RYR3: variants seen among roughly 807,000 people sequenced by gnomAD.
RYR3 encodes the protein ryanodine receptor 3.
RYR3 carries 207 observed loss-of-function variants against 584.3 expected under a neutral mutation model. The observed-to-expected ratio is 0.35, with a 90% confidence interval of 0.32 to 0.40. RYR3 has a LOEUF of 0.40. RYR3 is among the 10% of genes least tolerant of loss of function. The pLI, the probability that RYR3 is intolerant of heterozygous loss-of-function variation, is 1.00. For synonymous variants in RYR3, 2,416 were observed against 2,248.5 expected (o/e 1.07, Z -2.11); for missense variants, 5,616 against 6,089.2 (o/e 0.92, Z 2.59).
intron 67 of RYR3, among the ~76,000 whole-genome samples, chr15:33,796,211 T>A (rs1419332336): frequency 6.6e-6 from 1 of 151,864 alleles, no homozygotes; most frequent in African/African-American, 2.4e-5. Context: ...CTCTGCTCAC[T>A]GCAACCTACA....
At chr15:33,760,361 C>T (rs1298955874) in intron 60 of RYR3, among the ~76,000 whole-genome samples, 1 of 152,058 alleles carries the variant, frequency 6.6e-6, no homozygotes, top group Non-Finnish European at 1.5e-5. Flanking sequence ...CAAGACCCAT[C>T]TCAAGTGCAA....
At chr15:33,506,018 A>G (rs1224853087) in intron 3 of RYR3, among the ~76,000 whole-genome samples, 1 of 152,188 alleles carries the variant, frequency 6.6e-6, no homozygotes, top group Non-Finnish European at 1.5e-5. Flanking sequence ...GTAAAAGTAT[A>G]TTTCAAAGGA....
At chr15:33,665,026 C>T (rs1014230468) in intron 36 of RYR3, among the ~76,000 whole-genome samples, 11 of 152,206 alleles carry the variant, frequency 7.2e-5, no homozygotes, top group African/African-American at 2.7e-4. Context: ...ATTTGCACCA[C>T]ACAAAATGCA....
At chr15:33,344,064 T>C (rs1191575890) in intron 1 of RYR3, among the ~76,000 whole-genome samples, 2 of 152,186 alleles carry the variant, frequency 1.3e-5, no homozygotes, top group African/African-American at 2.4e-5. Context: ...AAAACGTACA[T>C]TCACTTGCTG....
chr15:33,460,302 G>A (rs2142061564), intron 1 of RYR3, among the ~76,000 whole-genome samples: 2 of 152,370 alleles, frequency 1.3e-5, no homozygotes, highest in South Asian at 4.1e-4. Flanking sequence ...AATGCCCGCT[G>A]CTACACTATG....
chr15:33,694,339 G>A (rs1050673358), intron 38 of RYR3, among the ~76,000 whole-genome samples: 10 of 151,534 alleles, frequency 6.6e-5, no homozygotes, highest in Non-Finnish European at 1.2e-4. Context: ...CCGCCTCCCG[G>A]GTTCACGCCA....
intron 64 of RYR3, among the ~76,000 whole-genome samples, chr15:33,774,340 G>A (rs1435615232): frequency 6.6e-6 from 1 of 152,042 alleles, no homozygotes; most frequent in African/African-American, 2.4e-5. Flanking sequence ...TTTCTTTCTT[G>A]CCTTTTCAAA....
chr15:33,418,502 C>T (rs557184007), intron 1 of RYR3, among the ~76,000 whole-genome samples: 2 of 152,018 alleles, frequency 1.3e-5, no homozygotes, highest in African/African-American at 4.8e-5. Context: ...AAGAGCTGGA[C>T]AGAGTGGGTT....
At chr15:33,433,812 A>G (rs2045417921) in intron 1 of RYR3, among the ~76,000 whole-genome samples, 1 of 152,152 alleles carries the variant, frequency 6.6e-6, no homozygotes, top group South Asian at 2.1e-4. Context: ...TACCTCATCC[A>G]TATTTTTAAG....
chr15:33,819,698 AT>A, intron 76 of RYR3, 57 bp from the exon 77 acceptor site: 1 of 904,766 alleles, frequency 1.1e-6, no homozygotes, highest in Non-Finnish European at 1.5e-6. Context: ...AAATAAATAA[AT>A]AAATAAATAA....
At chr15:33,575,111 G>T (rs2058228692) in intron 12 of RYR3, among the ~76,000 whole-genome samples, 1 of 152,020 alleles carries the variant, frequency 6.6e-6, no homozygotes, top group African/African-American at 2.4e-5. Flanking sequence ...TAATACAGGG[G>T]CACCCAGATC....
chr15:33,591,066 T>G (rs548207481), intron 16 of RYR3, among the ~76,000 whole-genome samples: 33 of 152,312 alleles, frequency 2.2e-4, no homozygotes, highest in African/African-American at 6.3e-4. Flanking sequence ...ATTTTCTGAA[T>G]GCACTTTACC....
intron 27 of RYR3, among the ~76,000 whole-genome samples, chr15:33,640,282 C>T (rs767700681): frequency 5.9e-5 from 9 of 152,206 alleles, no homozygotes; most frequent in Admixed American, 2.6e-4. Context: ...TTTCAGAAAG[C>T]GGCTGTGGCA....
rs1354052789 is a variant in RYR3, at chr15:33,736,285, A to G, written c.7475A>G (p.Asp2492Gly). The G allele has an allele frequency of 6.2e-7, 1 of 1,613,172 alleles. No individual in the cohort carries two copies. Among genetic ancestry groups the G allele is most frequent in the Non-Finnish European group, 8.5e-7 (1 of 1,179,640 alleles). ...CAACTCCTGCGACGCCTCGTTTTTG[A>G]TGTGCCGCAACTCAATGAATACTGC... ...LQQLLRRLVF[D>G]VPQLNEYCKM... Residue 2492 changes from aspartate to glycine, a missense_variant, in exon 49 of 104, where the codon GAT becomes GGT. Asp to Gly is a moderately conservative substitution (Grantham distance 94). This residue lies in a region of RYR3 where 1,280 missense variants were observed against 1,426.2 expected (regional missense o/e 0.90). Transcript: ENST00000634891.
chr15:33,349,221 GA>G (rs764294315), intron 1 of RYR3, among the ~76,000 whole-genome samples: 26 of 148,864 alleles, frequency 1.7e-4, no homozygotes, highest in Admixed American at 4.1e-4. Flanking sequence ...GGGGAATTAT[GA>G]CTAAAGCTAC....
At position 33,662,435 on chromosome 15, in the gene RYR3, C is replaced by T. The variant is rs2063221120; in HGVS notation, c.4905C>T (p.Ser1635=). 1 of 1,613,856 alleles carries T rather than the reference C, an allele frequency of 6.2e-7. No individual in the cohort carries two copies. The highest frequency in any genetic ancestry group is 1.3e-5 in the African/African-American group (1 of 74,930). The change falls in exon 35 of 104, where the codon AGC becomes AGT. Residue 1635 remains serine (S), a synonymous_variant. Transcript: ENST00000634891. ...MKNEYIIPIT[S]TTRNIRLFPD... Reference sequence around the variant, plus strand: ...ACGAGTACATCATCCCCATTACCAGCACCACCAGGAATATCCGCCTCTTCC... The same window carrying T: ...ACGAGTACATCATCCCCATTACCAGTACCACCAGGAATATCCGCCTCTTCC...
chr15:33,460,940 C>CTTTTTTTTTTGTTTTT (rs2047977864), intron 1 of RYR3, among the ~76,000 whole-genome samples: 1 of 79,214 alleles, frequency 1.3e-5, no homozygotes, highest in Non-Finnish European at 2.2e-5. Flanking sequence ...TAATATCCAC[C>CTTTTTTTTTTGTTTTT]TTTTTTTTTT....
chr15:33,628,822 A>G (rs1194697780), intron 21 of RYR3, among the ~76,000 whole-genome samples: 1 of 152,172 alleles, frequency 6.6e-6, no homozygotes, highest in Non-Finnish European at 1.5e-5. Context: ...CTTCAGAAAA[A>G]AAGTTGTCAT....
chr15:33,664,324 C>A (rs968809715), intron 36 of RYR3, among the ~76,000 whole-genome samples: 1 of 151,942 alleles, frequency 6.6e-6, no homozygotes, highest in South Asian at 2.1e-4. Flanking sequence ...GTTAGCCTTA[C>A]CCCGATGGGA....
Sources: allele counts gnomAD v4.1 joint callset (sites outside exome capture counted in the v4.1 genomes callset), GRCh38; gene constraint gnomAD v4.1.1; regional missense constraint gnomAD v4.1.1; transcripts MANE v1.5; gene names NCBI Gene and HGNC (gene_info 2026-07-23, HGNC 2026-07-21).